Variants in PCLO observed in about 807,000 individuals in gnomAD.
The protein encoded by PCLO is piccolo presynaptic cytomatrix protein.
In PCLO, 82 loss-of-function variants were observed where a neutral mutation model predicts 427.5. The ratio of observed to expected loss-of-function variants is 0.19; its 90% CI spans 0.16 to 0.23. The LOEUF (loss-of-function observed/expected upper bound fraction) is 0.23. Ranked by LOEUF, PCLO falls within the 10% of genes least tolerant of loss-of-function variation. The pLI is 1.00. For synonymous variants in PCLO, 2,357 were observed against 2,155.4 expected (o/e 1.09, Z -2.59); for missense variants, 6,239 against 6,115.9 (o/e 1.02, Z -0.67).
intron 6 of PCLO, among the ~76,000 whole-genome samples, chr7:82,930,885 C>T (rs1259378170): frequency 6.6e-6 from 1 of 152,104 alleles, no homozygotes; most frequent in African/African-American, 2.4e-5. Flanking sequence ...GTAGATTCAA[C>T]ATAATTTCTA....
chr7:83,029,759 C>T (rs1263442339), intron 3 of PCLO, among the ~76,000 whole-genome samples: 8 of 126,602 alleles, frequency 6.3e-5, no homozygotes, highest in Non-Finnish European at 1.1e-4. Context: ...GGCACATATA[C>T]ACCATGGAAT....
intron 3 of PCLO, among the ~76,000 whole-genome samples, chr7:83,069,779 C>T (rs1224727635): frequency 1.2e-4 from 7 of 57,048 alleles, no homozygotes; most frequent in African/African-American, 6.2e-4. Flanking sequence ...TTCTCCACCT[C>T]CCCCACCCCA....
At chr7:82,798,470 A>T (rs919941892) in intron 22 of PCLO, among the ~76,000 whole-genome samples, 1 of 152,220 alleles carries the variant, frequency 6.6e-6, no homozygotes, top group Non-Finnish European at 1.5e-5. Flanking sequence ...AAAACAAACA[A>T]AACACTGATT....
intron 7 of PCLO, 75 bp downstream of exon 7, chr7:82,914,611 G>T: frequency 7.1e-7 from 1 of 1,406,826 alleles, no homozygotes; most frequent in Non-Finnish European, 9.9e-7. Context: ...CATCTCTGGA[G>T]AAGGGAAATT....
At chr7:83,061,373 A>T (rs1000651) in intron 3 of PCLO, among the ~76,000 whole-genome samples, 64,624 of 151,976 alleles carry the variant, frequency 0.43, 15,250 homozygotes, top group African/African-American at 0.63. Flanking sequence ...CTTTGTCTTT[A>T]TTAAAGGTCT....
chr7:82,781,358 G>A (rs982396615), intron 22 of PCLO, among the ~76,000 whole-genome samples: 24 of 151,176 alleles, frequency 1.6e-4, no homozygotes, highest in Non-Finnish European at 3.5e-4. Flanking sequence ...CAGAGTACAT[G>A]TGCAGAACGT....
At chr7:82,960,927 A>C (rs1795642935) in intron 4 of PCLO, among the ~76,000 whole-genome samples, 1 of 152,162 alleles carries the variant, frequency 6.6e-6, no homozygotes, top group Non-Finnish European at 1.5e-5. Flanking sequence ...CATAGGAAAA[A>C]ACATCTTGTG....
chr7:83,106,840 C>T (rs6950317), intron 3 of PCLO, among the ~76,000 whole-genome samples: 69,752 of 151,870 alleles, frequency 0.46, 16,428 homozygotes, highest in East Asian at 0.71. Flanking sequence ...AAACACCCTT[C>T]ATTGAAGATT....
At chr7:82,850,005 TATTATTA>T (rs1792607091) in intron 10 of PCLO, among the ~76,000 whole-genome samples, 1 of 122,408 alleles carries the variant, frequency 8.2e-6, no homozygotes, top group African/African-American at 2.7e-5. Flanking sequence ...AGCTTATTAT[TATTATTA>T]TTTATTTATT....
rs994883463 is a variant in PCLO, at chr7:82,952,111, G to C, written c.8842C>G (p.Pro2948Ala). 6.2e-7 allele frequency: 1 copy of C among 1,613,910 alleles called. No homozygotes were observed. Among genetic ancestry groups the C allele is most frequent in the Non-Finnish European group, 8.5e-7 (1 of 1,179,850 alleles). Residue 2948 changes from proline to alanine, a missense_variant, in exon 5 of 25, where the codon CCA becomes GCA. Pro to Ala is a conservative substitution (Grantham distance 27). Coordinates refer to ENST00000333891, the MANE Select transcript of PCLO (RefSeq NM_033026.6). ...AVCCDVVYKL[P>A]FGRSCTAQQP... The stretch of plus-strand genomic sequence containing the variant: ...TGTGCTGTGCAGCTCCTTCCAAATG[G>C]TAATTTATAAACCACATCACAGCAC...
At chr7:83,132,596 T>C (rs1044255866) in intron 3 of PCLO, among the ~76,000 whole-genome samples, 8 of 152,120 alleles carry the variant, frequency 5.3e-5, no homozygotes, top group African/African-American at 1.9e-4. Context: ...ATAATTACTA[T>C]AATTCAGATG....
At chr7:82,790,669 T>C (rs1215104036) in intron 22 of PCLO, among the ~76,000 whole-genome samples, 3 of 152,240 alleles carry the variant, frequency 2.0e-5, no homozygotes, top group Non-Finnish European at 1.5e-5. Context: ...TGGTTCTTTT[T>C]GGCAGAGACA....
At chr7:82,970,773 A>T (rs1795884739) in intron 3 of PCLO, among the ~76,000 whole-genome samples, 1 of 151,924 alleles carries the variant, frequency 6.6e-6, no homozygotes, top group African/African-American at 2.4e-5. Flanking sequence ...GAAAATACAG[A>T]ATCTAGGTAA....
chr7:83,024,683 C>A (rs1300353565), intron 3 of PCLO, among the ~76,000 whole-genome samples: 1 of 152,208 alleles, frequency 6.6e-6, no homozygotes, highest in Non-Finnish European at 1.5e-5. Flanking sequence ...ACAGCAGTAA[C>A]CTCTGCAGAC....
chr7:83,086,487 G>GA (rs58410535), intron 3 of PCLO, among the ~76,000 whole-genome samples: 19 of 149,908 alleles, frequency 1.3e-4, no homozygotes, highest in South Asian at 6.3e-4. Flanking sequence ...TGCCAAGTTG[G>GA]AAAAAAAAAA....
chr7:82,816,461 G>T (rs973060885), intron 20 of PCLO, among the ~76,000 whole-genome samples: 27 of 151,876 alleles, frequency 1.8e-4, no homozygotes, highest in African/African-American at 5.6e-4. Context: ...GCATTTACTT[G>T]CCTGTCTTAC....
intron 10 of PCLO, among the ~76,000 whole-genome samples, chr7:82,848,319 T>TG (rs1792560079): frequency 6.9e-6 from 1 of 145,566 alleles, no homozygotes; most frequent in South Asian, 2.3e-4. Context: ...TTTTTTTTTT[T>TG]TTTTTTTTTT....
At chr7:83,099,813 A>G (rs1790691781) in intron 3 of PCLO, among the ~76,000 whole-genome samples, 1 of 146,766 alleles carries the variant, frequency 6.8e-6, no homozygotes, top group Non-Finnish European at 1.5e-5. Context: ...CATACTCCAT[A>G]AAACACCTCT....
chr7:82,921,243 A>T (rs1345884781), intron 6 of PCLO, among the ~76,000 whole-genome samples: 1 of 151,942 alleles, frequency 6.6e-6, no homozygotes, highest in Non-Finnish European at 1.5e-5. Context: ...ATTCATATGG[A>T]ACCAAAAAAT....
Sources: gnomAD v4.1 joint callset for allele counts (sites outside exome capture counted in the v4.1 genomes callset) on GRCh38, gnomAD v4.1.1 for gene constraint, MANE v1.5 for transcripts, NCBI Gene and HGNC (gene_info 2026-07-23, HGNC 2026-07-21) for gene names.